The following DIP2A variants were observed in gnomAD, a reference collection of about 807,000 sequenced individuals.
DIP2A encodes DIP2 acetate--CoA ligase A.
In DIP2A, 85 loss-of-function variants were observed where a neutral mutation model predicts 177.4. The ratio of observed to expected loss-of-function variants is 0.48; its 90% confidence interval spans 0.40 to 0.57. The LOEUF (loss-of-function observed/expected upper bound fraction) is 0.57, where lower values mean the gene tolerates loss of function less well. Among genes scored for constraint, DIP2A ranks in the 20% least tolerant of loss-of-function variants. The probability of loss-of-function intolerance (pLI) is 0.00; values close to 1 mark genes in which losing one functional copy is unlikely to be tolerated. For missense variants in DIP2A, 1,791 were observed against 2,100.2 expected (o/e 0.85, Z 2.88); for synonymous variants, 886 against 881.8 (o/e 1.00, Z -0.08).
Position 46,484,793 on chromosome 21 carries a change from C to A in DIP2A, c.128C>A (p.Ala43Glu), listed in dbSNP as rs747118563. ...ITQKGYEKKR[A>E]KLLARYIPLI... ...CAAAAAGGATATGAAAAGAAAAGGG[C>A]AAAGCTGCTTGCACGTTATATACCG... The change falls in exon 2 of 38, where the codon GCA becomes GAA. Residue 43 changes from alanine (A) to glutamate (E), a missense_variant. Coordinates refer to ENST00000417564, the MANE Select transcript of DIP2A (RefSeq NM_015151.4). The A allele has an allele frequency of 6.3e-7, 1 of 1,584,772 alleles. No individual in the cohort carries two copies. The highest frequency in any genetic ancestry group is 1.8e-5 in the Admixed American group (1 of 55,482).
chr21:46,558,333 G>A lies in DIP2A; in HGVS notation c.3909G>A (p.Leu1303=). Residue 1303 remains leucine (L), a synonymous_variant, in exon 32 of 38, where the codon CTG becomes CTA. Coordinates refer to ENST00000417564, the MANE Select transcript of DIP2A (RefSeq NM_015151.4). ...CCAAGCTCTTCAAGGACCTGGGCCT[G>A]CCGGCCCGCGCCGTAAGCACCACGT... ...SFSKLFKDLG[L]PARAVSTTFG... 1.2e-6 allele frequency: 2 copies of A among 1,606,244 alleles called. No homozygotes were observed. Among genetic ancestry groups the A allele is most frequent in the Non-Finnish European group, 8.5e-7 (1 of 1,177,384 alleles).
intron 8 of DIP2A, among the ~76,000 whole-genome samples, chr21:46,528,527 C>CTTT (rs1162872343): frequency 4.4e-4 from 13 of 29,400 alleles, no homozygotes; most frequent in Admixed American, 5.3e-4. Context: ...TTTCTGCTTG[C>CTTT]TTTTTTTTTT....
chr21:46,471,171 T>A (rs2055346665), intron 1 of DIP2A, among the ~76,000 whole-genome samples: 1 of 152,104 alleles, frequency 6.6e-6, no homozygotes, highest in African/African-American at 2.4e-5. Flanking sequence ...GTAGTTAGGA[T>A]TTCAGGTGCA....
At chr21:46,573,420 G>A (rs1300682409), downstream of DIP2A, among the ~76,000 whole-genome samples, 2 of 151,794 alleles carry the variant, frequency 1.3e-5, no homozygotes, top group African/African-American at 4.8e-5. Context: ...AGCGCTTTGG[G>A]AGGCTGAGGC....
intron 11 of DIP2A, 111 bp downstream of exon 11, chr21:46,533,758 G>T: frequency 6.7e-7 from 1 of 1,498,288 alleles, no homozygotes; most frequent in South Asian, 1.3e-5. Context: ...CAGCAAAAGT[G>T]ATCCCTTGTT....
chr21:46,538,632 C>G lies in DIP2A; in HGVS notation c.1921+30C>G, dbSNP rs553618079. 35 of 1,542,822 alleles carry G rather than the reference C, an allele frequency of 2.3e-5. 2 individuals carry two copies. The South Asian group carries it at 3.5e-4, about 15-fold the overall frequency. ...GTGAGCCTGTGTGCCCGGCGCATAC[C>G]CCACACAGTGTCCCCTCCTGCAAAC... On this transcript the variant is annotated intron_variant, in intron 16 of 37. Transcript: ENST00000417564.
At chr21:46,477,786 G>A (rs2069993447) in intron 1 of DIP2A, among the ~76,000 whole-genome samples, 1 of 151,330 alleles carries the variant, frequency 6.6e-6, no homozygotes, top group Admixed American at 6.6e-5. Flanking sequence ...GTTTTGCCAT[G>A]TTGGCCAGGC....
At chr21:46,467,417 G>C (rs549658266) in intron 1 of DIP2A, among the ~76,000 whole-genome samples, 1 of 152,136 alleles carries the variant, frequency 6.6e-6, no homozygotes, top group Non-Finnish European at 1.5e-5. Context: ...GCCCAGTTGG[G>C]AGTGCAGTGG....
At chr21:46,481,768 G>C (rs190893885) in intron 1 of DIP2A, among the ~76,000 whole-genome samples, 89 of 152,218 alleles carry the variant, frequency 5.8e-4, no homozygotes, top group Non-Finnish European at 1.1e-3. Flanking sequence ...AAAATCAGTG[G>C]GGCCAGGTGC....
chr21:46,459,239 C>T lies in DIP2A; in HGVS notation c.91+17C>T. ...TGTCGGAAGGTGAGCCGGACCCCGC[C>T]CTCAACCCCCGCGACCCGCCCTCAG... On this transcript the variant is annotated intron_variant, in intron 1 of 37. Coordinates refer to ENST00000417564, the MANE Select transcript of DIP2A (RefSeq NM_015151.4). 1 of 1,516,776 alleles carries T rather than the reference C, an allele frequency of 6.6e-7. No individual in the cohort carries two copies. Among genetic ancestry groups the T allele is most frequent in the Non-Finnish European group, 8.8e-7 (1 of 1,133,084 alleles). The allele number at this position is 1,516,776 out of a possible 1,614,324, so 94.0% of individuals were successfully genotyped here.
chr21:46,538,452 C>T (rs1002243840), intron 15 of DIP2A, 31 bp from the exon 16 acceptor site: 24 of 1,538,372 alleles, frequency 1.6e-5, no homozygotes, highest in Non-Finnish European at 2.0e-5. Context: ...CCTTGTGACG[C>T]AGGGATGTCT....
intron 5 of DIP2A, among the ~76,000 whole-genome samples, chr21:46,501,005 T>TA (rs1042530805): frequency 1.3e-5 from 2 of 152,230 alleles, no homozygotes; most frequent in African/African-American, 4.8e-5. Flanking sequence ...ATACTTTGCT[T>TA]ACAGGATTGC....
downstream of DIP2A, among the ~76,000 whole-genome samples, chr21:46,574,817 GACAAA>G (rs2060982640): frequency 6.6e-6 from 1 of 152,062 alleles, no homozygotes; most frequent in African/African-American, 2.4e-5. Context: ...AAGATCTATT[GACAAA>G]AACCTGATGG....
At chr21:46,531,538 GA>G (rs898301185) in intron 9 of DIP2A, among the ~76,000 whole-genome samples, 3 of 152,150 alleles carry the variant, frequency 2.0e-5, no homozygotes, top group African/African-American at 7.2e-5. Context: ...TAATTTTCTT[GA>G]AAAACATTCT....
At chr21:46,533,672 G>T (rs1330832322) in intron 11 of DIP2A, 25 bp downstream of exon 11, 1 of 1,613,796 alleles carries the variant, frequency 6.2e-7, no homozygotes, top group African/African-American at 1.3e-5. Context: ...GGGAAGGGGA[G>T]TCAGTGTTCT....
intron 9 of DIP2A, among the ~76,000 whole-genome samples, chr21:46,529,685 C>G (rs2059274363): frequency 6.6e-6 from 1 of 151,620 alleles, no homozygotes; most frequent in Non-Finnish European, 1.5e-5. Context: ...TTTTTCTGCA[C>G]TCGTTGTTTC....
At chr21:46,507,511 G>A (rs2330591) in intron 6 of DIP2A, among the ~76,000 whole-genome samples, 126,703 of 151,772 alleles carry the variant, frequency 0.83, 53,201 homozygotes, top group African/African-American at 0.92. Flanking sequence ...AATGAAAATC[G>A]GTAGACCATG....
intron 7 of DIP2A, 150 bp downstream of exon 7, chr21:46,509,526 A>G: frequency 6.0e-6 from 6 of 1,003,676 alleles, no homozygotes; most frequent in Non-Finnish European, 7.9e-6. Context: ...TGGTGAATTT[A>G]GAATCACATG....
In DIP2A at chr21:46,498,228, C is replaced by G. The variant is rs2057460962; in HGVS notation, c.404-354C>G. On this transcript the variant is annotated intron_variant, in intron 4 of 37. Coordinates refer to ENST00000417564, the MANE Select transcript of DIP2A (RefSeq NM_015151.4). The surrounding 1 kb of genome is among the most constrained non-coding windows in gnomAD (Gnocchi z 4.3). ...TGATGTGTGGATATGGTGTCCGACT[C>G]TGTGGACATGCAGTGCAGCACTGAA... Among the ~76,000 whole-genome samples, 1 of 152,190 alleles carries G rather than the reference C, an allele frequency of 6.6e-6. No individual in the cohort carries two copies.
Sources: allele counts gnomAD v4.1 joint callset (sites outside exome capture counted in the v4.1 genomes callset), GRCh38; gene constraint gnomAD v4.1.1; non-coding constraint Gnocchi (gnomAD v3.1); transcripts MANE v1.5; gene names NCBI Gene and HGNC (gene_info 2026-07-23, HGNC 2026-07-21).